RIPOR2: variants seen among roughly 807,000 people sequenced by gnomAD.
The protein encoded by RIPOR2 is rho family-interacting cell polarization regulator 2.
RIPOR2 carries 39 observed loss-of-function variants against 114.5 expected under a neutral mutation model. That is an observed-to-expected ratio of 0.34 (90% CI 0.26 to 0.44). The LOEUF is 0.44. Ranked by LOEUF, RIPOR2 falls within the 20% of genes least tolerant of loss-of-function variation. The pLI is 1.00. For missense variants in RIPOR2, 1,007 were observed against 1,255.1 expected (o/e 0.80, Z 2.99); for synonymous variants, 445 against 484.4 (o/e 0.92, Z 1.07).
At chr6:25,004,257 G>A (rs776617397) in intron 1 of RIPOR2, among the ~76,000 whole-genome samples, 22 of 152,144 alleles carry the variant, frequency 1.4e-4, no homozygotes, top group Non-Finnish European at 2.4e-4. Flanking sequence ...TCCGATTGTT[G>A]AATGATGGAT....
upstream of RIPOR2, chr6:25,042,105 C>T (rs974685323): frequency 8.7e-5 from 45 of 516,600 alleles, no homozygotes; most frequent in Non-Finnish European, 1.4e-4. Flanking sequence ...CTTCTTTTAT[C>T]TTGTAACTTG....
intron 1 of RIPOR2, among the ~76,000 whole-genome samples, chr6:24,921,887 T>A (rs923844861): frequency 6.6e-6 from 1 of 151,910 alleles, no homozygotes; most frequent in Non-Finnish European, 1.5e-5. Context: ...TGGAGTGCAA[T>A]GGCGCAATCT....
chr6:25,007,767 C>T (rs1457259273), intron 1 of RIPOR2, among the ~76,000 whole-genome samples: 1 of 151,970 alleles, frequency 6.6e-6, no homozygotes, highest in Non-Finnish European at 1.5e-5. Context: ...TACATCCATG[C>T]CCAGGCTTTT....
rs568090166 is a variant in RIPOR2 at position 24,824,229 on chromosome 6, G to T, written c.2868+997C>A. Among the ~76,000 whole-genome samples the T allele has an allele frequency of 3.9e-5, 6 of 152,262 alleles. No homozygotes were observed. In the South Asian group the frequency reaches 1.2e-3, roughly 32 times the overall value. On this transcript the variant is annotated intron_variant, in intron 19 of 21. Transcript: ENST00000643898. ...CTCTTTTTGGTAGGAGGTGAGAGTGGTCAGCCCACAGAACAGCTTTTTGAG... is the reference window on the plus strand; with the variant it reads ...CTCTTTTTGGTAGGAGGTGAGAGTGTTCAGCCCACAGAACAGCTTTTTGAG...
chr6:24,809,672 G>A (rs977686368), intron 21 of RIPOR2, 45 bp downstream of exon 21: 1 of 1,257,272 alleles, frequency 8.0e-7, no homozygotes, highest in African/African-American at 1.5e-5. Context: ...CCGTTAGAGA[G>A]TGCCAGAAGC....
chr6:24,936,696 G>T (rs900653872), upstream of RIPOR2, among the ~76,000 whole-genome samples: 2 of 152,152 alleles, frequency 1.3e-5, no homozygotes, highest in Non-Finnish European at 2.9e-5. Flanking sequence ...GAGCTTCTAC[G>T]CGAGCACCAT....
At chr6:24,997,678 A>G (rs1016535518) in intron 1 of RIPOR2, among the ~76,000 whole-genome samples, 4 of 152,184 alleles carry the variant, frequency 2.6e-5, no homozygotes, top group Admixed American at 2.6e-4. Flanking sequence ...ACATGTCCAA[A>G]TGTTCCCTGG....
Position 24,843,179 on chromosome 6 carries a change from T to C in RIPOR2, c.1540A>G (p.Asn514Asp), listed in dbSNP as rs748776102. ...TGCAGAAGTGCTTCTGCAACATCATTCTCAAGGAACAGGTGCTCAGCCCCA... is the reference window on the plus strand; with the variant it reads ...TGCAGAAGTGCTTCTGCAACATCATCCTCAAGGAACAGGTGCTCAGCCCCA... Reference protein sequence around the residue: ...GAGAEHLFLENDVAEALLQES... With the variant: ...GAGAEHLFLEDDVAEALLQES... The change falls in exon 13 of 22, where the codon AAT becomes GAT. Residue 514 changes from asparagine (N) to aspartate (D), a missense_variant. Asn to Asp is a conservative substitution (Grantham distance 23). Coordinates refer to ENST00000643898, the MANE Select transcript of RIPOR2 (RefSeq NM_001286445.3). 1.1e-5 allele frequency: 18 copies of C among 1,613,784 alleles called. No individual in the cohort carries two copies. Among genetic ancestry groups the C allele is most frequent in the Non-Finnish European group, 1.4e-5 (17 of 1,179,864 alleles).
intron 21 of RIPOR2, among the ~76,000 whole-genome samples, chr6:24,809,096 C>T (rs1309257197): frequency 6.6e-6 from 1 of 152,158 alleles, no homozygotes; most frequent in Admixed American, 6.5e-5. Flanking sequence ...GAAAGGCTTT[C>T]CCCACCCTCC....
intron 1 of RIPOR2, among the ~76,000 whole-genome samples, chr6:24,921,166 CTCT>C (rs1308477054): frequency 6.6e-6 from 1 of 151,920 alleles, no homozygotes; most frequent in African/African-American, 2.4e-5. Flanking sequence ...CTCTCTCTCT[CTCT>C]TTTTTTTTGA....
intron 14 of RIPOR2, 66 bp downstream of exon 14, chr6:24,839,024 AG>A: frequency 7.6e-7 from 1 of 1,319,340 alleles, no homozygotes; most frequent in Non-Finnish European, 1.0e-6. Context: ...CCCCTCTGAC[AG>A]TAACAAAGAA....
In RIPOR2 at chr6:24,843,026, C is replaced by G; in HGVS notation, c.1693G>C (p.Glu565Gln). 1 of 1,608,106 alleles carries G rather than the reference C, an allele frequency of 6.2e-7. No homozygotes were observed. The highest frequency in any genetic ancestry group is 8.5e-7 in the Non-Finnish European group (1 of 1,175,694). Residue 565 changes from glutamate to glutamine, a missense_variant, in exon 13 of 22, where the codon GAG becomes CAG. Physicochemically the swap from Glu to Gln is conservative, Grantham distance 29. Coordinates refer to ENST00000643898, the MANE Select transcript of RIPOR2 (RefSeq NM_001286445.3). ...TCAGATTCTCCACCAACAGAACCCT[C>G]AGAGAGCAGCCTGTCTGTGGCCATT... is the stretch of plus-strand genomic sequence containing the variant. The part of the protein sequence containing the change: ...VPMATDRLLS[E>Q]GSVGGESEGC...
In RIPOR2 at chr6:24,858,975, G is replaced by A. The variant is rs1333871477; in HGVS notation, c.715+1998C>T. Reference sequence around the variant, plus strand: ...GTGCTAGGTTGGAGAGGATCTGCCCGTGAGGGAGACCATTCTTTGAGCAAT... The same window carrying A: ...GTGCTAGGTTGGAGAGGATCTGCCCATGAGGGAGACCATTCTTTGAGCAAT... On this transcript the variant is annotated intron_variant, in intron 8 of 21. Transcript: ENST00000643898. This position sits in a 1 kb window ranked among gnomAD's most constrained non-coding sequence, Gnocchi z 4.0. Among the ~76,000 whole-genome samples, 2 of 152,162 alleles carry A rather than the reference G, an allele frequency of 1.3e-5. No individual in the cohort carries two copies. Among genetic ancestry groups the A allele is most frequent in the Non-Finnish European group, 2.9e-5 (2 of 68,036 alleles).
At chr6:25,010,285 A>C (rs941443431) in intron 1 of RIPOR2, among the ~76,000 whole-genome samples, 2 of 151,986 alleles carry the variant, frequency 1.3e-5, no homozygotes, top group African/African-American at 4.8e-5. Context: ...TTCCCACCAG[A>C]GCTGGTTGTT....
intron 7 of RIPOR2, among the ~76,000 whole-genome samples, chr6:24,862,068 G>A (rs1473182434): frequency 1.3e-5 from 2 of 152,204 alleles, no homozygotes; most frequent in African/African-American, 4.8e-5. Flanking sequence ...GAGAGAAGGA[G>A]TAACACCATC....
At chr6:24,851,841 A>T (rs1762966426) in intron 9 of RIPOR2, among the ~76,000 whole-genome samples, 1 of 151,976 alleles carries the variant, frequency 6.6e-6, no homozygotes, top group Admixed American at 6.5e-5. Context: ...TTAGCTGAAG[A>T]GCCAGTGTTA....
chr6:24,950,544 G>A (rs1347541975), intron 1 of RIPOR2, among the ~76,000 whole-genome samples: 1 of 152,164 alleles, frequency 6.6e-6, no homozygotes, highest in East Asian at 1.9e-4. Context: ...AAGTAAAAGG[G>A]AGCTCAGTGT....
At chr6:24,922,289 T>C (rs1271673057) in intron 1 of RIPOR2, among the ~76,000 whole-genome samples, 2 of 152,196 alleles carry the variant, frequency 1.3e-5, no homozygotes, top group Non-Finnish European at 2.9e-5. Flanking sequence ...TTCCTAAAAC[T>C]GACGCCCAGC....
rs1166258681 is a variant in RIPOR2, at chr6:24,935,926, C to G, written c.-28G>C. On this transcript the variant is annotated 5_prime_UTR_variant, in exon 1 of 22. Coordinates refer to ENST00000643898, the MANE Select transcript of RIPOR2 (RefSeq NM_001286445.3). ...TGGAGAGGACAGGCGCGAGAAGCAG[C>G]AGGCAGCAGCCCCGGCAGTCTCAGC... 6.6e-7 allele frequency: 1 copy of G among 1,514,628 alleles called. No individual in the cohort carries two copies. Among genetic ancestry groups the G allele is most frequent in the South Asian group, 1.2e-5 (1 of 83,536 alleles). 93.8% of individuals were successfully genotyped at this position (1,514,628 alleles called of 1,614,324 possible). A position where few individuals can be genotyped will look rare whatever the true frequency, so the allele number is the denominator to read the frequency against.
Sources: allele counts gnomAD v4.1 joint callset (sites outside exome capture counted in the v4.1 genomes callset), GRCh38; gene constraint gnomAD v4.1.1; non-coding constraint Gnocchi (gnomAD v3.1); transcripts MANE v1.5; gene names NCBI Gene and HGNC (gene_info 2026-07-23, HGNC 2026-07-21).